The following EXOC5 variants were observed in gnomAD, a reference collection of about 807,000 sequenced individuals.
EXOC5 encodes SEC10-like 1.
Under a neutral mutation model 90.8 loss-of-function variants are expected in EXOC5, and 17 were observed. The ratio of observed to expected loss-of-function variants is 0.19; its 90% CI spans 0.13 to 0.28. The LOEUF is 0.28. Among genes scored for constraint, EXOC5 ranks in the 10% least tolerant of loss-of-function variants. The probability of loss-of-function intolerance (pLI) is 1.00; values close to 1 mark genes in which losing one functional copy is unlikely to be tolerated. For synonymous variants in EXOC5, 260 were observed against 270.0 expected, an observed-to-expected ratio of 0.96 and a Z score of 0.36; for missense variants, 569 against 830.6, an observed-to-expected ratio of 0.69 and a Z score of 3.87.
intron 11 of EXOC5, 69 bp from the exon 12 acceptor site, chr14:57,229,950 A>C: frequency 1.0e-6 from 1 of 963,510 alleles, no homozygotes; most frequent in Non-Finnish European, 1.4e-6. Context: ...GAGTACTTCC[A>C]AACTTAGTAT....
intron 1 of EXOC5, among the ~76,000 whole-genome samples, chr14:57,260,660 ATAAT>A (rs1281207662): frequency 6.6e-6 from 1 of 152,192 alleles, no homozygotes; most frequent in Non-Finnish European, 1.5e-5. Context: ...GCAGAATCAT[ATAAT>A]TAGATTTAAA....
At chr14:57,222,766 T>C (rs947728799) in intron 12 of EXOC5, among the ~76,000 whole-genome samples, 31 of 148,852 alleles carry the variant, frequency 2.1e-4, no homozygotes, top group Non-Finnish European at 3.3e-4. Flanking sequence ...CACACACATA[T>C]ATATATATAT....
At position 57,201,632 on chromosome 14, in the gene EXOC5, C is replaced by T. The variant is rs955513286; in HGVS notation, c.*6977G>A. The T allele has an allele frequency of 2.0e-5, 3 of 147,934 alleles. No individual in the cohort carries two copies. The highest frequency in any genetic ancestry group is 7.4e-5 in the African/African-American group (3 of 40,552). 9.2% of individuals were successfully genotyped at this position (147,934 alleles called of 1,614,324 possible). On this transcript the variant is annotated 3_prime_UTR_variant, in exon 18 of 18. Coordinates refer to ENST00000621441, the MANE Select transcript of EXOC5 (RefSeq NM_006544.4). ...GGTTAAGGTGGCTCACACCTGTAAT[C>T]CCAGGACTTTGGGAGGTTGAGGTGG... is the stretch of plus-strand genomic sequence containing the variant.
chr14:57,219,314 T>G lies in EXOC5; in HGVS notation c.1526+8A>C. 6.9e-7 allele frequency: 1 copy of G among 1,451,688 alleles called. No individual in the cohort carries two copies. Among genetic ancestry groups the G allele is most frequent in the Non-Finnish European group, 9.2e-7 (1 of 1,088,694 alleles). The allele number at this position is 1,451,688 out of a possible 1,614,324, so 89.9% of individuals were successfully genotyped here. On this transcript the variant is annotated splice_region_variant and intron_variant, in intron 14 of 17. Transcript: ENST00000621441. ...AAATATCAATGAAAATCAGATAATT[T>G]GACTAACCTTATTAGTGGCATAAGG...
chr14:57,239,513 AG>A, intron 5 of EXOC5, 81 bp downstream of exon 5: 1 of 846,296 alleles, frequency 1.2e-6, no homozygotes, highest in Non-Finnish European at 1.8e-6. Flanking sequence ...TAATGGGCAA[AG>A]AAAATCATAC....
Position 57,248,331 on chromosome 14 carries a change from T to C in EXOC5, c.28-619A>G, listed in dbSNP as rs546441140. The stretch of plus-strand genomic sequence containing the variant: ...TCTGCAGAATGTTCATTGAGCATTA[T>C]GTATATTACTAAGAAATTGTTTACA... On this transcript the variant is annotated intron_variant, in intron 1 of 17. Transcript: ENST00000621441. Among the ~76,000 whole-genome samples the C allele has an allele frequency of 2.6e-5, 4 of 152,136 alleles. No homozygotes were observed. The East Asian group carries it at 5.8e-4, about 22-fold the overall frequency.
chr14:57,260,330 T>C (rs754421216), intron 1 of EXOC5, among the ~76,000 whole-genome samples: 3 of 152,106 alleles, frequency 2.0e-5, no homozygotes, highest in Non-Finnish European at 2.9e-5. Flanking sequence ...AAAGCAAACT[T>C]TGAAAAAGTA....
At position 57,238,023 on chromosome 14, in the gene EXOC5, T is replaced by C. The variant is rs1980788; in HGVS notation, c.531-657A>G. Among the ~76,000 whole-genome samples, 17 of 152,046 alleles carry C rather than the reference T, an allele frequency of 1.1e-4. No homozygotes were observed. In the East Asian group the frequency reaches 3.3e-3, roughly 29 times the overall value. On this transcript the variant is annotated intron_variant, in intron 5 of 17. Transcript: ENST00000621441. ...GCATGAAAAAGAAATATTTTAAGAT[T>C]GTGTGCAATTGTTTGAAGAGAGAGG...
At chr14:57,249,917 C>T (rs1884139951) in intron 1 of EXOC5, among the ~76,000 whole-genome samples, 2 of 152,068 alleles carry the variant, frequency 1.3e-5, no homozygotes, top group South Asian at 4.1e-4. Context: ...GGATTATAGG[C>T]ATGCACCACT....
chr14:57,213,712 T>C (rs765155224), intron 15 of EXOC5, among the ~76,000 whole-genome samples: 1 of 152,060 alleles, frequency 6.6e-6, no homozygotes, highest in Non-Finnish European at 1.5e-5. Context: ...TTCACGCCTG[T>C]AATCCCAGCA....
chr14:57,253,552 A>G (rs923029819), intron 1 of EXOC5, among the ~76,000 whole-genome samples: 4 of 152,340 alleles, frequency 2.6e-5, no homozygotes, highest in Admixed American at 2.0e-4. Context: ...AAGAGCACAA[A>G]ACAATCTTGA....
chr14:57,224,100 A>G (rs967444535), intron 12 of EXOC5, among the ~76,000 whole-genome samples: 10 of 152,238 alleles, frequency 6.6e-5, no homozygotes, highest in African/African-American at 2.2e-4. Context: ...CACCCGCATT[A>G]GATTAGGAAA....
chr14:57,210,179 CTT>C (rs1882784125), intron 15 of EXOC5, 118 bp from the exon 16 acceptor site: 3 of 557,134 alleles, frequency 5.4e-6, no homozygotes, highest in East Asian at 2.9e-5. Context: ...CCATGAAACT[CTT>C]TTACTATTGG....
intron 1 of EXOC5, among the ~76,000 whole-genome samples, chr14:57,251,111 T>C (rs1479944315): frequency 6.6e-6 from 1 of 152,230 alleles, no homozygotes; most frequent in African/African-American, 2.4e-5. Context: ...TGAAGGCTTA[T>C]ATCTTCCCAG....
intron 12 of EXOC5, among the ~76,000 whole-genome samples, chr14:57,224,344 A>G (rs1013160051): frequency 3.3e-5 from 5 of 152,184 alleles, no homozygotes; most frequent in Non-Finnish European, 7.3e-5. Context: ...AGCCAGATTG[A>G]TCAGAAAAAA....
intron 1 of EXOC5, among the ~76,000 whole-genome samples, chr14:57,266,375 T>G (rs150768054): frequency 2.0e-5 from 3 of 152,190 alleles, no homozygotes; most frequent in Non-Finnish European, 2.9e-5. Flanking sequence ...AACTTTTCAC[T>G]TGGGGATGAA....
Position 57,207,728 on chromosome 14 carries a change from A to G in EXOC5, c.*881T>C, listed in dbSNP as rs150833572. 95 of 152,238 alleles carry G rather than the reference A, an allele frequency of 6.2e-4. No individual in the cohort carries two copies. The highest frequency in any genetic ancestry group is 3.4e-3 in the Middle Eastern group (1 of 294). 9.4% of individuals were successfully genotyped at this position (152,238 alleles called of 1,614,324 possible). A position where few individuals can be genotyped will look rare whatever the true frequency, so the allele number is the denominator to read the frequency against. On this transcript the variant is annotated 3_prime_UTR_variant, in exon 18 of 18. Coordinates refer to ENST00000621441, the MANE Select transcript of EXOC5 (RefSeq NM_006544.4). ...CTCAAAGGGCTGCATGTTGCTAAACACTGTCAGTATTTCCTATATGCACCA... is the reference window on the plus strand; with the variant it reads ...CTCAAAGGGCTGCATGTTGCTAAACGCTGTCAGTATTTCCTATATGCACCA...
chr14:57,228,923 T>G (rs1055408569), intron 12 of EXOC5, among the ~76,000 whole-genome samples: 1 of 152,164 alleles, frequency 6.6e-6, no homozygotes, highest in Non-Finnish European at 1.5e-5. Context: ...CTATTATTTG[T>G]TTCATACAAT....
At chr14:57,235,313 T>C (rs553209510) in intron 7 of EXOC5, among the ~76,000 whole-genome samples, 1 of 152,282 alleles carries the variant, frequency 6.6e-6, no homozygotes, top group South Asian at 2.1e-4. Flanking sequence ...CCCCTGGATT[T>C]AAGTCTCTTA....
Sources: gnomAD v4.1 joint callset for allele counts (sites outside exome capture counted in the v4.1 genomes callset) on GRCh38, gnomAD v4.1.1 for gene constraint, MANE v1.5 for transcripts, NCBI Gene and HGNC (gene_info 2026-07-23, HGNC 2026-07-21) for gene names.